Variants in WDR7 observed in about 807,000 individuals in gnomAD.
WDR7 encodes the protein WD repeat domain 7.
In WDR7, 46 loss-of-function variants were observed where a neutral mutation model predicts 169.4. That is an observed-to-expected ratio of 0.27 (90% CI 0.21 to 0.35). The LOEUF (loss-of-function observed/expected upper bound fraction) is 0.35. Among genes scored for constraint, WDR7 ranks in the 10% least tolerant of loss-of-function variants. The probability of loss-of-function intolerance (pLI) is 1.00; values close to 1 mark genes in which losing one functional copy is unlikely to be tolerated. For missense variants in WDR7, 1,534 were observed against 1,859.3 expected (o/e 0.83, Z 3.22); for synonymous variants, 612 against 666.8 (o/e 0.92, Z 1.27).
At chr18:56,789,948 C>G (rs910525975) in intron 19 of WDR7, among the ~76,000 whole-genome samples, 1 of 152,170 alleles carries the variant, frequency 6.6e-6, no homozygotes, top group Non-Finnish European at 1.5e-5. Flanking sequence ...AATGGAAATG[C>G]CTGATATACC....
chr18:57,012,399 C>T (rs2048147920), intron 26 of WDR7, among the ~76,000 whole-genome samples: 1 of 152,160 alleles, frequency 6.6e-6, no homozygotes, highest in Admixed American at 6.5e-5. Context: ...ATCCAGGGAC[C>T]TTCCTGTGTA....
intron 12 of WDR7, among the ~76,000 whole-genome samples, chr18:56,697,147 ACT>A (rs1377759088): frequency 6.6e-6 from 1 of 152,132 alleles, no homozygotes; most frequent in East Asian, 1.9e-4. Flanking sequence ...GTCTCCCAAC[ACT>A]CACTCATTTG....
At chr18:56,700,683 C>T (rs2025814253) in intron 12 of WDR7, among the ~76,000 whole-genome samples, 1 of 150,450 alleles carries the variant, frequency 6.6e-6, no homozygotes, top group African/African-American at 2.5e-5. Context: ...CATTCTCCTG[C>T]CTCAGCCTCC....
chr18:56,774,452 T>C (rs1389965928), intron 16 of WDR7, among the ~76,000 whole-genome samples: 4 of 152,142 alleles, frequency 2.6e-5, no homozygotes, highest in Non-Finnish European at 5.9e-5. Flanking sequence ...TTTGTCACTA[T>C]GTTGAAGCTG....
intron 19 of WDR7, among the ~76,000 whole-genome samples, chr18:56,790,867 T>A (rs1012763064): frequency 1.3e-5 from 2 of 152,130 alleles, no homozygotes; most frequent in Non-Finnish European, 2.9e-5. Context: ...AAAAATTTTT[T>A]TTTTATTTGT....
At chr18:56,819,477 C>G (rs780680549) in intron 20 of WDR7, among the ~76,000 whole-genome samples, 4 of 152,134 alleles carry the variant, frequency 2.6e-5, no homozygotes, top group African/African-American at 7.2e-5. Context: ...CTCAGTTTTA[C>G]TTAGCGTTCT....
chr18:56,752,598 G>A (rs938090949), intron 14 of WDR7, among the ~76,000 whole-genome samples: 6 of 152,120 alleles, frequency 3.9e-5, no homozygotes, highest in Admixed American at 6.5e-5. Context: ...AGGCAGCTGG[G>A]GGAATGAATG....
intron 14 of WDR7, among the ~76,000 whole-genome samples, chr18:56,734,299 A>T (rs1336871938): frequency 6.6e-6 from 1 of 152,030 alleles, no homozygotes; most frequent in Non-Finnish European, 1.5e-5. Flanking sequence ...GTAGACCATG[A>T]TAACTCATTT....
At chr18:56,689,246 A>G (rs950895592) in intron 7 of WDR7, among the ~76,000 whole-genome samples, 50 of 152,094 alleles carry the variant, frequency 3.3e-4, no homozygotes, top group African/African-American at 1.1e-3. Context: ...CCTAATTTTT[A>G]TATGGTTTTA....
chr18:56,813,686 T>C (rs567859655), intron 19 of WDR7, among the ~76,000 whole-genome samples: 8 of 152,148 alleles, frequency 5.3e-5, no homozygotes, highest in Non-Finnish European at 1.2e-4. Flanking sequence ...ATTTTTGTTA[T>C]GAATTCTGGA....
intron 1 of WDR7, among the ~76,000 whole-genome samples, chr18:56,656,023 G>A (rs1180745590): frequency 6.6e-6 from 1 of 152,132 alleles, no homozygotes; most frequent in Non-Finnish European, 1.5e-5. Flanking sequence ...ATTTTTGGCT[G>A]TTACAGATAA....
At chr18:56,989,878 TG>T (rs1203663632) in intron 26 of WDR7, among the ~76,000 whole-genome samples, 2 of 152,214 alleles carry the variant, frequency 1.3e-5, no homozygotes, top group Non-Finnish European at 2.9e-5. Flanking sequence ...TGGCTGAGTT[TG>T]TTCATTCTTA....
At chr18:56,913,607 T>G in intron 21 of WDR7, among the ~76,000 whole-genome samples, 1 of 133,288 alleles carries the variant, frequency 7.5e-6, no homozygotes, top group Non-Finnish European at 1.6e-5. Flanking sequence ...GGCAACAGAG[T>G]GAGACCCCAT....
chr18:56,737,441 C>T (rs2026724914), intron 14 of WDR7, among the ~76,000 whole-genome samples: 1 of 152,146 alleles, frequency 6.6e-6, no homozygotes, highest in African/African-American at 2.4e-5. Flanking sequence ...AGCTTTACAT[C>T]TTGAGCATTG....
chr18:56,879,602 G>A (rs1216237362), intron 20 of WDR7, among the ~76,000 whole-genome samples: 17 of 151,972 alleles, frequency 1.1e-4, no homozygotes, highest in East Asian at 1.9e-4. Context: ...GAAATCCTAT[G>A]TAAAATTTTT....
intron 18 of WDR7, among the ~76,000 whole-genome samples, chr18:56,779,846 C>T (rs1422554352): frequency 6.6e-6 from 1 of 152,144 alleles, no homozygotes; most frequent in Non-Finnish European, 1.5e-5. Context: ...CACACTCATG[C>T]ATAAACAAAT....
intron 26 of WDR7, among the ~76,000 whole-genome samples, chr18:56,983,356 A>AT (rs2047671923): frequency 6.6e-6 from 1 of 152,060 alleles, no homozygotes; most frequent in Non-Finnish European, 1.5e-5. Flanking sequence ...CAAGGCAGTA[A>AT]TTTTTCTGTG....
chr18:56,968,522 T>C (rs1372470064), intron 26 of WDR7, among the ~76,000 whole-genome samples: 3 of 152,252 alleles, frequency 2.0e-5, no homozygotes, highest in Non-Finnish European at 4.4e-5. Flanking sequence ...AAAAGATCTA[T>C]CTATATTTCT....
chr18:57,001,805 A>G (rs1452286485), intron 26 of WDR7, among the ~76,000 whole-genome samples: 1 of 152,140 alleles, frequency 6.6e-6, no homozygotes, highest in Non-Finnish European at 1.5e-5. Context: ...GTTTGTGTCT[A>G]GCTTGTTTCT....
Sources: allele counts gnomAD v4.1 joint callset (sites outside exome capture counted in the v4.1 genomes callset), GRCh38; gene constraint gnomAD v4.1.1; transcripts MANE v1.5; gene names NCBI Gene and HGNC (gene_info 2026-07-23, HGNC 2026-07-21).